Variants in GRID1 observed in about 807,000 individuals in gnomAD.
GRID1 encodes the protein glutamate ionotropic receptor delta type subunit 1.
A neutral mutation model predicts 98.0 loss-of-function variants in GRID1; 28 were observed. The observed-to-expected ratio is 0.29, with a 90% CI of 0.21 to 0.39. The LOEUF is 0.39. GRID1 is among the 10% of genes least tolerant of loss of function. GRID1 has a pLI of 1.00. For synonymous variants in GRID1, 553 were observed against 538.5 expected (o/e 1.03, Z -0.37); for missense variants, 1,111 against 1,340.5 (o/e 0.83, Z 2.67).
intron 4 of GRID1, among the ~76,000 whole-genome samples, chr10:86,105,236 A>G (rs1844363682): frequency 1.3e-5 from 2 of 152,172 alleles, no homozygotes; most frequent in African/African-American, 4.8e-5. Context: ...GCACTGGGAT[A>G]GCTTCAGTCT....
intron 2 of GRID1, chr10:86,264,761 G>C: frequency 2.0e-6 from 1 of 494,440 alleles, no homozygotes; most frequent in African/African-American, 1.9e-5. Context: ...GCAGGCATGC[G>C]GGCAGACAGA....
intron 12 of GRID1, among the ~76,000 whole-genome samples, chr10:85,705,186 T>C (rs191620302): frequency 6.5e-4 from 99 of 152,260 alleles, no homozygotes; most frequent in African/African-American, 2.3e-3. Context: ...CAGGAGCTGG[T>C]TGTTTGAAAA....
At chr10:86,319,795 G>A (rs1847945728) in intron 2 of GRID1, among the ~76,000 whole-genome samples, 1 of 152,196 alleles carries the variant, frequency 6.6e-6, no homozygotes, top group South Asian at 2.1e-4. Flanking sequence ...GCTGTCCAGG[G>A]TGCCCAGGGG....
At chr10:86,136,557 T>C (rs1029682457) in intron 4 of GRID1, among the ~76,000 whole-genome samples, 1 of 152,192 alleles carries the variant, frequency 6.6e-6, no homozygotes, top group African/African-American at 2.4e-5. Flanking sequence ...CTTTTCCATT[T>C]CCTCTGTCTG....
chr10:85,662,223 T>C lies in GRID1; in HGVS notation c.1998-14826A>G, dbSNP rs192290722. ...TCTCACTGCCTCATCTGTGTTTTAC[T>C]CTCCTTTCTCCTATTCCAGAGACAG... On this transcript the variant is annotated intron_variant, in intron 12 of 15. Coordinates refer to ENST00000327946, the MANE Select transcript of GRID1 (RefSeq NM_017551.3). Among the ~76,000 whole-genome samples the C allele has an allele frequency of 1.8e-3, 277 of 152,318 alleles. 1 individual carries two copies. The highest frequency in any genetic ancestry group is 0.017 in the Middle Eastern group (5 of 294).
At chr10:86,188,638 G>A (rs940558958) in intron 3 of GRID1, among the ~76,000 whole-genome samples, 2 of 152,196 alleles carry the variant, frequency 1.3e-5, no homozygotes, top group Admixed American at 6.5e-5. Flanking sequence ...GGCCCGAGCA[G>A]GTTGGCAGGG....
chr10:85,794,776 T>C (rs1842510784), intron 8 of GRID1, among the ~76,000 whole-genome samples: 2 of 152,220 alleles, frequency 1.3e-5, no homozygotes, highest in African/African-American at 4.8e-5. Context: ...GATAAGACCC[T>C]GCATTTGCCT....
chr10:85,918,511 G>A (rs1311875143), intron 4 of GRID1, among the ~76,000 whole-genome samples: 1 of 152,192 alleles, frequency 6.6e-6, no homozygotes, highest in Non-Finnish European at 1.5e-5. Flanking sequence ...GACCTAACCA[G>A]GTCACCCCAC....
intron 8 of GRID1, among the ~76,000 whole-genome samples, chr10:85,750,530 C>G (rs1842036699): frequency 6.6e-6 from 1 of 152,156 alleles, no homozygotes; most frequent in African/African-American, 2.4e-5. Context: ...AATCTAATAA[C>G]ATAAAAAGCA....
intron 5 of GRID1, among the ~76,000 whole-genome samples, chr10:85,910,940 T>C (rs1219954542): frequency 1.3e-5 from 2 of 152,148 alleles, no homozygotes; most frequent in Admixed American, 1.3e-4. Flanking sequence ...CAGAAGGACA[T>C]GGCAGGTGGA....
At chr10:86,295,961 A>G (rs907191324) in intron 2 of GRID1, among the ~76,000 whole-genome samples, 1 of 152,130 alleles carries the variant, frequency 6.6e-6, no homozygotes, top group Non-Finnish European at 1.5e-5. Flanking sequence ...CAGTGTCCCT[A>G]CCTTCTTGCT....
intron 12 of GRID1, among the ~76,000 whole-genome samples, chr10:85,719,279 C>G (rs1019577053): frequency 1.3e-5 from 2 of 152,176 alleles, no homozygotes; most frequent in African/African-American, 2.4e-5. Flanking sequence ...TCTGAGCCGT[C>G]CAAACTGTTC....
chr10:85,934,211 A>G (rs998747611), intron 4 of GRID1, among the ~76,000 whole-genome samples: 4 of 152,118 alleles, frequency 2.6e-5, no homozygotes, highest in Non-Finnish European at 5.9e-5. Flanking sequence ...GGCTTCATGG[A>G]GGTACTGGGC....
At chr10:85,743,131 A>C (rs1841963707) in intron 8 of GRID1, among the ~76,000 whole-genome samples, 1 of 95,456 alleles carries the variant, frequency 1.0e-5, no homozygotes. Context: ...CCCATTGAGA[A>C]CCAATTATCT....
At position 85,634,998 on chromosome 10, in the gene GRID1, G is replaced by GAAAAAAA. The variant is rs140144576; in HGVS notation, c.2193+12197_2193+12203dup. ...GCAAATTACAGGGCAGAGGAAATCT[G>GAAAAAAA]AAAAAAAAAAAAAAAAAAAAAAAAA... On this transcript the variant is annotated intron_variant, in intron 13 of 15. Transcript: ENST00000327946. Among the ~76,000 whole-genome samples the GAAAAAAA allele has an allele frequency of 1.3e-3, 45 of 35,002 alleles. 5 individuals are homozygous for GAAAAAAA. The highest frequency in any genetic ancestry group is 1.8e-3 in the African/African-American group (20 of 10,940). The allele number at this position is 35,002 out of a possible 152,430, so 23.0% of individuals were successfully genotyped here.
At chr10:85,972,436 A>G (rs142315757) in intron 4 of GRID1, among the ~76,000 whole-genome samples, 1 of 148,310 alleles carries the variant, frequency 6.7e-6, no homozygotes, top group East Asian at 1.9e-4. Flanking sequence ...ATATATTTAT[A>G]TAACTATATT....
chr10:86,313,843 G>C (rs1847864232), intron 2 of GRID1, among the ~76,000 whole-genome samples: 1 of 152,204 alleles, frequency 6.6e-6, no homozygotes, highest in Non-Finnish European at 1.5e-5. Flanking sequence ...CTGAGGGACA[G>C]CTGGGCCTGT....
intron 4 of GRID1, among the ~76,000 whole-genome samples, chr10:86,112,634 T>G (rs1564678391): frequency 6.6e-6 from 1 of 152,094 alleles, no homozygotes; most frequent in Non-Finnish European, 1.5e-5. Flanking sequence ...GATTGTGGTG[T>G]CTGCCAGGGG....
chr10:85,665,772 C>T (rs781179635), intron 12 of GRID1, among the ~76,000 whole-genome samples: 1 of 152,154 alleles, frequency 6.6e-6, no homozygotes, highest in Non-Finnish European at 1.5e-5. Context: ...ACCCCTGCAA[C>T]CTAATTTTGT....
Sources: gnomAD v4.1 joint callset for allele counts (sites outside exome capture counted in the v4.1 genomes callset) on GRCh38, gnomAD v4.1.1 for gene constraint, MANE v1.5 for transcripts, NCBI Gene and HGNC (gene_info 2026-07-23, HGNC 2026-07-21) for gene names.